C8orf34: variants seen among roughly 807,000 people sequenced by gnomAD.
The protein encoded by C8orf34 is chromosome 8 open reading frame 34.
A neutral mutation model predicts 68.3 loss-of-function variants in C8orf34; 65 were observed. That is an observed-to-expected ratio of 0.95 (90% confidence interval 0.78 to 1.17). C8orf34 has a LOEUF of 1.17. C8orf34 is among the 50% of genes most tolerant of loss of function. The pLI, the probability that C8orf34 is intolerant of heterozygous loss-of-function variation, is 0.00. For synonymous variants in C8orf34, 244 were observed against 241.2 expected (o/e 1.01, Z -0.11); for missense variants, 664 against 655.4 (o/e 1.01, Z -0.14).
At chr8:68,583,882 A>G (rs780873732) in intron 7 of C8orf34, among the ~76,000 whole-genome samples, 5 of 152,114 alleles carry the variant, frequency 3.3e-5, no homozygotes, top group African/African-American at 4.8e-5. Context: ...ACTGTCACCT[A>G]TTGAACCAAT....
intron 7 of C8orf34, among the ~76,000 whole-genome samples, chr8:68,547,879 G>C (rs1363956390): frequency 6.6e-6 from 1 of 151,754 alleles, no homozygotes; most frequent in East Asian, 1.9e-4. Context: ...ATGGATTACA[G>C]TCCAGAAATA....
In C8orf34 at chr8:68,534,975, G is replaced by T. The variant is rs542780254; in HGVS notation, c.1105+1826G>T. 1.3e-5 allele frequency: 13 copies of T among 985,392 alleles called. No individual in the cohort carries two copies. In the East Asian group the frequency reaches 1.4e-3, roughly 103 times the overall value. 61.0% of individuals were successfully genotyped at this position (985,392 alleles called of 1,614,324 possible). A position where few individuals can be genotyped will look rare whatever the true frequency, so the allele number is the denominator to read the frequency against. On this transcript the variant is annotated intron_variant, in intron 7 of 13. Transcript: ENST00000518698. ...GCAAGTTTAATAATAAGAGATAGTTGAAGGTTTGGACTTTCTTCATGTAAT... is the reference window on the plus strand; with the variant it reads ...GCAAGTTTAATAATAAGAGATAGTTTAAGGTTTGGACTTTCTTCATGTAAT...
intron 10 of C8orf34, among the ~76,000 whole-genome samples, chr8:68,735,935 G>T (rs968877089): frequency 1.3e-5 from 2 of 152,110 alleles, no homozygotes; most frequent in Non-Finnish European, 1.5e-5. Context: ...GTTCGTTTGT[G>T]ACTTTAGGTT....
At chr8:68,362,727 A>G (rs1807061672) in intron 1 of C8orf34, among the ~76,000 whole-genome samples, 1 of 152,018 alleles carries the variant, frequency 6.6e-6, no homozygotes. Flanking sequence ...GGACAACCAC[A>G]CCAAAAACCC....
intron 12 of C8orf34, among the ~76,000 whole-genome samples, chr8:68,813,369 GTT>G (rs769126924): frequency 1.4e-5 from 2 of 143,674 alleles, no homozygotes; most frequent in Non-Finnish European, 3.1e-5. Context: ...AGATAATTCT[GTT>G]TTTTTTTTTT....
intron 3 of C8orf34, among the ~76,000 whole-genome samples, chr8:68,467,702 C>T (rs910028009): frequency 6.6e-6 from 1 of 151,896 alleles, no homozygotes; most frequent in African/African-American, 2.4e-5. Flanking sequence ...AAAAACAATG[C>T]TTTTGCAAGA....
intron 1 of C8orf34, among the ~76,000 whole-genome samples, chr8:68,382,674 C>A (rs1194893103): frequency 1.3e-5 from 2 of 152,146 alleles, no homozygotes; most frequent in Non-Finnish European, 2.9e-5. Flanking sequence ...CCTCTTCAGG[C>A]CATTTCTTCT....
intron 10 of C8orf34, among the ~76,000 whole-genome samples, chr8:68,725,400 T>C (rs1009838693): frequency 6.6e-6 from 1 of 152,122 alleles, no homozygotes; most frequent in Non-Finnish European, 1.5e-5. Context: ...GAAAAGAAAA[T>C]TAAAAAGTCT....
chr8:68,735,821 T>G (rs939979754), intron 10 of C8orf34, among the ~76,000 whole-genome samples: 1 of 152,220 alleles, frequency 6.6e-6, no homozygotes, highest in Admixed American at 6.5e-5. Flanking sequence ...TTAACTATAT[T>G]TGTCCTGACC....
At chr8:68,494,839 G>C (rs938927365) in intron 5 of C8orf34, among the ~76,000 whole-genome samples, 11 of 151,618 alleles carry the variant, frequency 7.3e-5, no homozygotes, top group Non-Finnish European at 1.6e-4. Context: ...CTGGGTGACA[G>C]AGTGAGACTC....
chr8:68,393,445 C>T lies in C8orf34; in HGVS notation c.328-46054C>T, dbSNP rs143281135. Among the ~76,000 whole-genome samples the T allele has an allele frequency of 4.6e-3, 705 of 152,164 alleles. 9 individuals carry two copies. The highest frequency in any genetic ancestry group is 0.016 in the African/African-American group (672 of 41,544). On this transcript the variant is annotated intron_variant, in intron 1 of 13. Coordinates refer to ENST00000518698, the MANE Select transcript of C8orf34 (RefSeq NM_052958.4). ...GATCAGTGAATAATGAGGAATTTGA[C>T]AGTCAACCTTCCTAGCAGTGTAGTG...
intron 11 of C8orf34, among the ~76,000 whole-genome samples, chr8:68,780,613 A>T (rs1823647642): frequency 6.6e-6 from 1 of 152,162 alleles, no homozygotes; most frequent in Non-Finnish European, 1.5e-5. Context: ...AATGGGCTTC[A>T]TAAGTATAAT....
chr8:68,797,953 CAT>C (rs1247695950), intron 12 of C8orf34, among the ~76,000 whole-genome samples: 1 of 151,716 alleles, frequency 6.6e-6, no homozygotes, highest in Non-Finnish European at 1.5e-5. Context: ...AGAGAAAAGA[CAT>C]AACACTCACT....
At chr8:68,388,433 T>C (rs1808349884) in intron 1 of C8orf34, among the ~76,000 whole-genome samples, 1 of 152,118 alleles carries the variant, frequency 6.6e-6, no homozygotes, top group African/African-American at 2.4e-5. Flanking sequence ...AACCACTTTC[T>C]ATGTCATTAT....
chr8:68,572,453 G>GTT (rs146115436), intron 7 of C8orf34, among the ~76,000 whole-genome samples: 2,360 of 151,476 alleles, frequency 0.016, 65 homozygotes, highest in African/African-American at 0.053. Context: ...CTGTGTTGCA[G>GTT]TTTTATTGTA....
chr8:68,485,724 A>AATAAATAAATAAATAAAT (rs34400081), intron 4 of C8orf34, among the ~76,000 whole-genome samples: 8 of 147,200 alleles, frequency 5.4e-5, no homozygotes, highest in African/African-American at 2.0e-4. Flanking sequence ...AAAAAAATAA[A>AATAAATAAATAAATAAAT]AAATAAATAA....
At chr8:68,353,292 A>G (rs1026319925) in intron 1 of C8orf34, among the ~76,000 whole-genome samples, 1 of 152,080 alleles carries the variant, frequency 6.6e-6, no homozygotes, top group African/African-American at 2.4e-5. Context: ...AGGGATGCCC[A>G]CATATATAAT....
chr8:68,793,709 T>C (rs150820457), intron 12 of C8orf34, among the ~76,000 whole-genome samples: 10 of 152,286 alleles, frequency 6.6e-5, no homozygotes, highest in Non-Finnish European at 1.5e-5. Context: ...CTGGGCTTAA[T>C]ACCTATAGGT....
chr8:68,526,583 C>T (rs759020430), intron 6 of C8orf34, among the ~76,000 whole-genome samples: 34 of 151,660 alleles, frequency 2.2e-4, no homozygotes, highest in East Asian at 1.6e-3. Flanking sequence ...ATAGCTCTTA[C>T]GCATAAAAAT....
Sources: gnomAD v4.1 joint callset for allele counts (sites outside exome capture counted in the v4.1 genomes callset) on GRCh38, gnomAD v4.1.1 for gene constraint, MANE v1.5 for transcripts, NCBI Gene and HGNC (gene_info 2026-07-23, HGNC 2026-07-21) for gene names.